Variants in TATDN1 observed in about 807,000 individuals in gnomAD.
TATDN1 encodes deoxyribonuclease TATDN1.
TATDN1 carries 40 observed loss-of-function variants against 46.4 expected under a neutral mutation model. That is an observed-to-expected ratio of 0.86 (90% CI 0.67 to 1.12). TATDN1 has a LOEUF of 1.12. Among genes scored for constraint, TATDN1 ranks in the 50% most tolerant of loss-of-function variants. TATDN1 has a pLI of 0.00. For missense variants in TATDN1, 326 were observed against 348.4 expected, an observed-to-expected ratio of 0.94 and a Z score of 0.51; for synonymous variants, 95 against 105.6, an observed-to-expected ratio of 0.90 and a Z score of 0.62.
chr8:124,509,328 T>C (rs1436678509), intron 6 of TATDN1, among the ~76,000 whole-genome samples: 1 of 152,210 alleles, frequency 6.6e-6, no homozygotes, highest in Non-Finnish European at 1.5e-5. Context: ...TAACAATACC[T>C]GGCATGGCCA....
At chr8:124,491,932 T>C (rs1441361291) in intron 11 of TATDN1, among the ~76,000 whole-genome samples, 1 of 152,088 alleles carries the variant, frequency 6.6e-6, no homozygotes, top group African/African-American at 2.4e-5. Flanking sequence ...TCCTAAGCTC[T>C]GCAACTAACT....
chr8:124,508,566 T>G (rs373488128), intron 7 of TATDN1, 37 bp downstream of exon 7: 57 of 1,607,912 alleles, frequency 3.5e-5, no homozygotes, highest in Non-Finnish European at 4.8e-5. Flanking sequence ...TTCTACAAAA[T>G]TCTTAAGTTC....
At position 124,539,026 on chromosome 8, in the gene TATDN1, G is replaced by T. The variant is rs780813116; in HGVS notation, c.21C>A (p.Ile7=). 27 of 1,613,446 alleles carry T rather than the reference G, an allele frequency of 1.7e-5. No homozygotes were observed. The highest frequency in any genetic ancestry group is 2.2e-5 in the Non-Finnish European group (26 of 1,179,738). Residue 7 remains isoleucine, a splice_region_variant and synonymous_variant, in exon 1 of 12, where the codon ATC becomes ATA. Transcript: ENST00000276692. ...GGGCGTGGAAAACGCTCCTCTTACC[G>T]ATAAACTTGAAGCGACTCATGACTG... MSRFKF[I]DIGINLTDPM...
chr8:124,503,343 C>T (rs1258804467), intron 9 of TATDN1, among the ~76,000 whole-genome samples: 1 of 152,110 alleles, frequency 6.6e-6, no homozygotes, highest in Non-Finnish European at 1.5e-5. Context: ...CAAAAGCTGA[C>T]TTGGGGTAAG....
chr8:124,519,224 T>C (rs367952077), intron 3 of TATDN1, among the ~76,000 whole-genome samples: 1 of 152,364 alleles, frequency 6.6e-6, no homozygotes. Context: ...AATGATTCAA[T>C]AGTGTTGATT....
chr8:124,515,769 A>C lies in TATDN1; in HGVS notation c.366T>G (p.Phe122Leu), dbSNP rs780098290. Residue 122 changes from phenylalanine to leucine, a missense_variant, in exon 6 of 12, where the codon TTT becomes TTG. Transcript: ENST00000276692. The stretch of plus-strand genomic sequence containing the variant: ...ACTTGAGTTGAGTATCTTTGGGACA[A>C]AACTGCAGTCGGTCAAAATCTTTAA... ...ECGLDFDRLQ[F>L]CPKDTQLKYF... 6.2e-7 allele frequency: 1 copy of C among 1,613,872 alleles called. No individual in the cohort carries two copies. The highest frequency in any genetic ancestry group is 8.5e-7 in the Non-Finnish European group (1 of 1,179,854).
intron 11 of TATDN1, chr8:124,491,393 T>G (rs1230785069): frequency 6.6e-6 from 1 of 152,330 alleles, no homozygotes; most frequent in Non-Finnish European, 1.5e-5. Flanking sequence ...TTTGTTTGTC[T>G]TTCTCTGGCC....
intron 4 of TATDN1, among the ~76,000 whole-genome samples, chr8:124,517,577 G>A (rs2131489584): frequency 6.6e-6 from 1 of 152,218 alleles, no homozygotes; most frequent in East Asian, 1.9e-4. Context: ...AAAATTATGT[G>A]GAATGTTTAA....
At chr8:124,524,029 C>T (rs994259272) in intron 1 of TATDN1, among the ~76,000 whole-genome samples, 7 of 152,158 alleles carry the variant, frequency 4.6e-5, no homozygotes, top group African/African-American at 1.7e-4. Context: ...GGAGGAGAAT[C>T]TCAAAATTTG....
chr8:124,518,830 C>T lies in TATDN1; in HGVS notation c.190G>A (p.Ala64Thr). The T allele has an allele frequency of 6.2e-7, 1 of 1,609,846 alleles. No individual in the cohort carries two copies. Among genetic ancestry groups the T allele is most frequent in the Non-Finnish European group, 8.5e-7 (1 of 1,176,982 alleles). The change falls in exon 4 of 12, where the codon GCA becomes ACA. Residue 64 changes from alanine to threonine, a missense_variant. By Grantham distance (58) the Ala-to-Thr change is moderately conservative (BLOSUM62 0). Coordinates refer to ENST00000276692, the MANE Select transcript of TATDN1 (RefSeq NM_032026.4). ...LQDSKDALHL[A>T]QTNGMFFSTV... is the part of the protein sequence containing the mutation. ...AATATGAGGATACCATTTGTTTGTG[C>T]CAAATGCAGTGCATCTTTACTGTCT...
chr8:124,515,074 G>C (rs992975063), intron 6 of TATDN1, among the ~76,000 whole-genome samples: 2 of 152,136 alleles, frequency 1.3e-5, no homozygotes, highest in Non-Finnish European at 2.9e-5. Flanking sequence ...ACAGACGCAG[G>C]CTGCTGTGCC....
chr8:124,517,013 G>C (rs1244143452), intron 4 of TATDN1, among the ~76,000 whole-genome samples: 1 of 152,210 alleles, frequency 6.6e-6, no homozygotes, highest in African/African-American at 2.4e-5. Flanking sequence ...GTGGAAGAGG[G>C]CTGGTAATGG....
At chr8:124,527,470 A>G (rs954565868) in intron 1 of TATDN1, among the ~76,000 whole-genome samples, 22 of 152,278 alleles carry the variant, frequency 1.4e-4, no homozygotes, top group African/African-American at 5.3e-4. Context: ...TGAAGTCAGC[A>G]GAGGAGTGAG....
intron 3 of TATDN1, among the ~76,000 whole-genome samples, chr8:124,520,593 A>G (rs1020944496): frequency 9.2e-5 from 14 of 152,016 alleles, no homozygotes; most frequent in African/African-American, 3.4e-4. Flanking sequence ...ACTTTACTAA[A>G]TAGTTGAAAA....
intron 6 of TATDN1, among the ~76,000 whole-genome samples, chr8:124,511,022 G>C: frequency 6.6e-6 from 1 of 152,054 alleles, no homozygotes; most frequent in East Asian, 1.9e-4. Flanking sequence ...CTTTAGAGAA[G>C]AAAAACCCGC....
chr8:124,518,944 C>G, intron 3 of TATDN1, 63 bp from the exon 4 acceptor site: 1 of 1,068,666 alleles, frequency 9.4e-7, no homozygotes. Context: ...GTTTCCTAAA[C>G]ATGCCTTCCT....
At chr8:124,523,255 G>T in intron 1 of TATDN1, 1 of 444,058 alleles carries the variant, frequency 2.3e-6, no homozygotes, top group East Asian at 4.3e-5. Flanking sequence ...TGAAATATTA[G>T]AAGTAAACAC....
chr8:124,513,568 G>A (rs992226459), intron 6 of TATDN1, among the ~76,000 whole-genome samples: 1 of 152,250 alleles, frequency 6.6e-6, no homozygotes, highest in Non-Finnish European at 1.5e-5. Flanking sequence ...AGCACAAGCT[G>A]TGATATGCAT....
chr8:124,523,075 G>A (rs1820193035), intron 1 of TATDN1, 73 bp from the exon 2 acceptor site: 2 of 1,370,466 alleles, frequency 1.5e-6, no homozygotes, highest in Non-Finnish European at 2.1e-6. Context: ...AAAAGCTTCT[G>A]TTACTAAACT....
Sources: gnomAD v4.1 joint callset for allele counts (sites outside exome capture counted in the v4.1 genomes callset) on GRCh38, gnomAD v4.1.1 for gene constraint, MANE v1.5 for transcripts, NCBI Gene and HGNC (gene_info 2026-07-23, HGNC 2026-07-21) for gene names.